TBKBP1: variants seen among roughly 807,000 people sequenced by gnomAD.
The protein encoded by TBKBP1 is TBK1 binding protein 1.
TBKBP1 carries 47 observed loss-of-function variants against 69.9 expected under a neutral mutation model. The ratio of observed to expected loss-of-function variants is 0.67; its 90% CI spans 0.53 to 0.86. The LOEUF is 0.86. Among genes scored for constraint, TBKBP1 ranks in the 40% least tolerant of loss-of-function variants. TBKBP1 has a pLI of 0.00. For synonymous variants in TBKBP1, 418 were observed against 390.3 expected, an observed-to-expected ratio of 1.07 and a Z score of -0.84; for missense variants, 831 against 858.6, an observed-to-expected ratio of 0.97 and a Z score of 0.40.
chr17:47,701,434 G>C (rs542127458), intron 7 of TBKBP1, among the ~76,000 whole-genome samples: 1 of 152,138 alleles, frequency 6.6e-6, no homozygotes, highest in African/African-American at 2.4e-5. Flanking sequence ...AAGTCATGAT[G>C]TAGGGCCCTT....
rs903485814 is a variant in TBKBP1 at position 47,710,763 on chromosome 17, C to T, written c.*137C>T. ...ATACCTCCACTTGCTACCGAGTCAA[C>T]GTGTGTGCCATCTTCCCTGGTCCAG... On this transcript the variant is annotated 3_prime_UTR_variant, in exon 10 of 10. Coordinates refer to ENST00000578982, the MANE Select transcript of TBKBP1 (RefSeq NM_001394755.1). 4.9e-5 allele frequency: 62 copies of T among 1,276,552 alleles called. 1 individual carries two copies. Among genetic ancestry groups the T allele is most frequent in the South Asian group, 3.4e-4 (24 of 70,204 alleles). 79.1% of individuals were successfully genotyped at this position (1,276,552 alleles called of 1,614,324 possible).
At chr17:47,698,971 T>C (rs903608711) in intron 5 of TBKBP1, among the ~76,000 whole-genome samples, 196 bp downstream of exon 5, 7 of 152,148 alleles carry the variant, frequency 4.6e-5, no homozygotes, top group Non-Finnish European at 1.0e-4. Flanking sequence ...CGGTCATTCC[T>C]GATCACCTCG....
At chr17:47,702,553 C>T (rs1003123981) in intron 7 of TBKBP1, among the ~76,000 whole-genome samples, 1 of 152,058 alleles carries the variant, frequency 6.6e-6, no homozygotes, top group Admixed American at 6.5e-5. Context: ...AGCCCCAGCC[C>T]CAGGGTTTCC....
intron 7 of TBKBP1, among the ~76,000 whole-genome samples, chr17:47,703,001 T>G (rs2031568201): frequency 6.7e-6 from 1 of 148,472 alleles, no homozygotes; most frequent in African/African-American, 2.5e-5. Context: ...GGGGAACTTC[T>G]TGAAGGGGAT....
chr17:47,708,297 G>T lies in TBKBP1; in HGVS notation c.873-97G>T, dbSNP rs553282027. 2.3e-4 allele frequency: 303 copies of T among 1,306,698 alleles called. No homozygotes were observed. The highest frequency in any genetic ancestry group is 7.1e-4 in the Admixed American group (36 of 51,056). The allele number at this position is 1,306,698 out of a possible 1,614,324, so 80.9% of individuals were successfully genotyped here. A position where few individuals can be genotyped will look rare whatever the true frequency, so the allele number is the denominator to read the frequency against. ...GGCCCTGCGGGTGGGAGGGAGCATG[G>T]TGGGGCCAGATGCTGGGGTAGAGCC... On this transcript the variant is annotated intron_variant, in intron 7 of 9. Coordinates refer to ENST00000578982, the MANE Select transcript of TBKBP1 (RefSeq NM_001394755.1). This position sits in a 1 kb window ranked among gnomAD's most constrained non-coding sequence, Gnocchi z 4.4.
Position 47,697,093 on chromosome 17 carries a change from A to G in TBKBP1, c.353A>G (p.Gln118Arg), listed in dbSNP as rs751011340. The G allele has an allele frequency of 6.2e-7, 1 of 1,610,846 alleles. No individual in the cohort carries two copies. Among genetic ancestry groups the G allele is most frequent in the Admixed American group, 1.7e-5 (1 of 59,524 alleles). Residue 118 changes from glutamine (Q) to arginine (R), a missense_variant, in exon 4 of 10, where the codon CAG (glutamine) becomes CGG (arginine). Coordinates refer to ENST00000578982, the MANE Select transcript of TBKBP1 (RefSeq NM_001394755.1). Reference protein sequence around the residue: ...QRLNQFQHELQKNKEQEEQLG... With the variant: ...QRLNQFQHELRKNKEQEEQLG... ...GGCCCTCTGGGCCTCATCCAGTTAC[A>G]GAAGAACAAGGAGCAGGAAGAACAG... is the stretch of plus-strand genomic sequence containing the variant.
Position 47,709,380 on chromosome 17 carries a change from C to G in TBKBP1, c.1647C>G (p.Phe549Leu), listed in dbSNP as rs1340824680. The G allele has an allele frequency of 9.1e-6, 14 of 1,531,168 alleles. No homozygotes were observed. Among genetic ancestry groups the G allele is most frequent in the Non-Finnish European group, 1.2e-5 (14 of 1,146,138 alleles). The allele number at this position is 1,531,168 out of a possible 1,614,324, so 94.8% of individuals were successfully genotyped here. ...TIRCASFCAGFPIPESPAATA... is the reference protein window; with the variant it reads ...TIRCASFCAGLPIPESPAATA... The stretch of plus-strand genomic sequence containing the variant: ...GCTGCGCCTCCTTCTGCGCGGGCTT[C>G]CCCATCCCCGAGTCGCCCGCCGCCA... The change falls in exon 9 of 10, where the codon TTC becomes TTG. Residue 549 changes from phenylalanine to leucine, a missense_variant. Transcript: ENST00000578982.
Position 47,710,773 on chromosome 17 carries a change from A to G in TBKBP1, c.*147A>G. On this transcript the variant is annotated 3_prime_UTR_variant, in exon 10 of 10. Transcript: ENST00000578982. ...TTGCTACCGAGTCAACGTGTGTGCC[A>G]TCTTCCCTGGTCCAGGCACCACTCA... The G allele has an allele frequency of 8.3e-7, 1 of 1,199,554 alleles. No homozygotes were observed. The highest frequency in any genetic ancestry group is 1.5e-5 in the South Asian group (1 of 67,344). 74.3% of individuals were successfully genotyped at this position (1,199,554 alleles called of 1,614,324 possible). A position where few individuals can be genotyped will look rare whatever the true frequency, so the allele number is the denominator to read the frequency against.
intron 7 of TBKBP1, among the ~76,000 whole-genome samples, chr17:47,701,508 A>T (rs894177398): frequency 1.3e-5 from 2 of 152,148 alleles, no homozygotes; most frequent in Middle Eastern, 3.4e-3. Context: ...AATTGGTAGA[A>T]CTCCAAGGGA....
At chr17:47,707,935 T>G (rs1009498803) in intron 7 of TBKBP1, among the ~76,000 whole-genome samples, 2 of 152,248 alleles carry the variant, frequency 1.3e-5, no homozygotes, top group Non-Finnish European at 2.9e-5. Flanking sequence ...ACTTTTAGTA[T>G]GCATTGCTTG....
At chr17:47,700,020 C>T (rs1174977736) in intron 7 of TBKBP1, among the ~76,000 whole-genome samples, 9 of 148,224 alleles carry the variant, frequency 6.1e-5, no homozygotes, top group Admixed American at 6.0e-4. Flanking sequence ...CGGAGTCTTG[C>T]TCTGTCACCC....
chr17:47,708,755 A>ACTCCCCGGCCCCCCAGTGCCC lies in TBKBP1; in HGVS notation c.1029_1049dup (p.Ala344_Pro350dup). On this transcript the variant is annotated inframe_insertion, in exon 9 of 10. Transcript: ENST00000578982. The surrounding 1 kb of genome is among the most constrained non-coding windows in gnomAD (Gnocchi z 4.4). ...AGGCACTCGCCGCTGTCACAACGCC[A>ACTCCCCGGCCCCCCAGTGCCC]CTCCCCGGCCCCCCAGTGCCCCTCC... is the stretch of plus-strand genomic sequence containing the variant. 1 of 1,360,748 alleles carries ACTCCCCGGCCCCCCAGTGCCC rather than the reference A, an allele frequency of 7.3e-7. No homozygotes were observed. Among genetic ancestry groups the ACTCCCCGGCCCCCCAGTGCCC allele is most frequent in the Non-Finnish European group, 9.5e-7 (1 of 1,049,298 alleles). The allele number at this position is 1,360,748 out of a possible 1,614,324, so 84.3% of individuals were successfully genotyped here.
rs546710234 is a variant in TBKBP1 at position 47,695,945 on chromosome 17, C to T, written c.-34-134C>T. On this transcript the variant is annotated intron_variant, in intron 1 of 9. Coordinates refer to ENST00000578982, the MANE Select transcript of TBKBP1 (RefSeq NM_001394755.1). Reference sequence around the variant, plus strand: ...GAGTCTGGGAAGGGGCCATGGGAGTCCCTGCTGAGCTCGGGGCAGGAAGTT... The same window carrying T: ...GAGTCTGGGAAGGGGCCATGGGAGTTCCTGCTGAGCTCGGGGCAGGAAGTT... The T allele has an allele frequency of 6.7e-5, 40 of 595,792 alleles. No homozygotes were observed. The African/African-American group carries it at 7.0e-4, about 10-fold the overall frequency. 36.9% of individuals were successfully genotyped at this position (595,792 alleles called of 1,614,324 possible). A position where few individuals can be genotyped will look rare whatever the true frequency, so the allele number is the denominator to read the frequency against.
chr17:47,710,179 C>T (rs1453218603), intron 9 of TBKBP1, among the ~76,000 whole-genome samples: 3 of 152,198 alleles, frequency 2.0e-5, no homozygotes, highest in South Asian at 2.1e-4. Context: ...TGTTTAGGAT[C>T]GTACATTGCT....
Position 47,708,801 on chromosome 17 carries a change from G to C in TBKBP1, c.1068G>C (p.Ala356=). The part of the protein sequence containing the change: ...QCPSPSPPAR[A]APPCPPCQSP... ...CCTCCCCCTCCCCGCCTGCCCGAGC[G>C]GCTCCCCCGTGCCCCCCGTGCCAGT... Residue 356 remains alanine (A), a synonymous_variant, in exon 9 of 10, where the codon GCG becomes GCC. Transcript: ENST00000578982. This position sits in a 1 kb window ranked among gnomAD's most constrained non-coding sequence, Gnocchi z 4.4. 1 of 765,262 alleles carries C rather than the reference G, an allele frequency of 1.3e-6. No homozygotes were observed. The highest frequency in any genetic ancestry group is 1.9e-6 in the Non-Finnish European group (1 of 525,172). The allele number at this position is 765,262 out of a possible 1,614,324, so 47.4% of individuals were successfully genotyped here. A position where few individuals can be genotyped will look rare whatever the true frequency, so the allele number is the denominator to read the frequency against.
Position 47,698,736 on chromosome 17 carries a change from C to T in TBKBP1, c.595C>T (p.His199Tyr), listed in dbSNP as rs1237511577. 1 of 1,589,994 alleles carries T rather than the reference C, an allele frequency of 6.3e-7. No individual in the cohort carries two copies. The highest frequency in any genetic ancestry group is 8.6e-7 in the Non-Finnish European group (1 of 1,165,436). ...PAPPCTDLDL[H>Y]YLALRGGSGL... ...CCCTCCCTGCACTGATTTAGACCTG[C>T]ACTACCTGGCACTGAGAGGGGGATC... Residue 199 changes from histidine (H) to tyrosine (Y), a missense_variant, in exon 5 of 10, where the codon CAC (histidine) becomes TAC (tyrosine). Transcript: ENST00000578982.
chr17:47,697,300 C>A, intron 4 of TBKBP1, 107 bp downstream of exon 4: 1 of 938,222 alleles, frequency 1.1e-6, no homozygotes, highest in Non-Finnish European at 1.7e-6. Context: ...ACAGTGCAGT[C>A]CCATGTGTCA....
Position 47,708,980 on chromosome 17 carries a change from C to G in TBKBP1, c.1247C>G (p.Pro416Arg). The G allele has an allele frequency of 1.8e-6, 2 of 1,127,990 alleles. No individual in the cohort carries two copies. Among genetic ancestry groups the G allele is most frequent in the Non-Finnish European group, 2.2e-6 (2 of 922,344 alleles). The allele number at this position is 1,127,990 out of a possible 1,614,324, so 69.9% of individuals were successfully genotyped here. The part of the protein sequence containing the change: ...CQSPSPQRRS[P>R]VPPSCPAPQP... ...TCCCCCAGCCCGCAGCGCCGTTCCC[C>G]GGTGCCCCCCAGCTGCCCGGCCCCG... Residue 416 changes from proline (P) to arginine (R), a missense_variant, in exon 9 of 10, where the codon CCG becomes CGG. Physicochemically the swap from Pro to Arg is moderately radical, Grantham distance 103 (BLOSUM62 -2). Transcript: ENST00000578982. This position sits in a 1 kb window ranked among gnomAD's most constrained non-coding sequence, Gnocchi z 4.4.
At chr17:47,709,541 C>CT in intron 9 of TBKBP1, 89 bp downstream of exon 9, 1 of 1,393,158 alleles carries the variant, frequency 7.2e-7, no homozygotes. Context: ...GGCCTTGCCC[C>CT]TTTCGGGTGT....
Sources: allele counts gnomAD v4.1 joint callset (sites outside exome capture counted in the v4.1 genomes callset), GRCh38; gene constraint gnomAD v4.1.1; non-coding constraint Gnocchi (gnomAD v3.1); transcripts MANE v1.5; gene names NCBI Gene and HGNC (gene_info 2026-07-23, HGNC 2026-07-21).